The following CSMD1 variants were observed in gnomAD, a reference collection of about 807,000 sequenced individuals.
CSMD1 encodes the protein CUB and Sushi multiple domains 1, also known as CUB and sushi domain-containing protein 1.
Under a neutral mutation model 417.5 loss-of-function variants are expected in CSMD1, and 213 were observed. The observed-to-expected ratio is 0.51, with a 90% CI of 0.46 to 0.57. The LOEUF is 0.57. Among genes scored for constraint, CSMD1 ranks in the 20% least tolerant of loss-of-function variants. CSMD1 has a pLI of 0.00. For missense variants in CSMD1, 6,923 were observed against 4,529.7 expected (o/e 1.53, Z -15.17); for synonymous variants, 2,862 against 1,736.8 (o/e 1.65, Z -16.11).
At chr8:3,788,453 C>T (rs1324666826) in intron 5 of CSMD1, among the ~76,000 whole-genome samples, 1 of 152,124 alleles carries the variant, frequency 6.6e-6, no homozygotes, top group Non-Finnish European at 1.5e-5. Flanking sequence ...AGATAAGAGG[C>T]AGAAATCAAA....
intron 2 of CSMD1, among the ~76,000 whole-genome samples, chr8:4,573,600 C>T (rs1173852613): frequency 6.6e-6 from 1 of 152,070 alleles, no homozygotes; most frequent in Non-Finnish European, 1.5e-5. Context: ...GTATGGGGGT[C>T]AGGGTCCCAC....
In CSMD1 at chr8:2,937,447, A is replaced by AAC. The variant is rs1563163043; in HGVS notation, c.*1137_*1138insGT. On this transcript the variant is annotated 3_prime_UTR_variant, in exon 70 of 70. Coordinates refer to ENST00000635120, the MANE Select transcript of CSMD1 (RefSeq NM_033225.6). Reference sequence around the variant, plus strand: ...TGGCACAGTAAAAGACAAAAAAAAAAAAAAACAAAAAAAAAACACTGCAAA... The same window carrying AAC: ...TGGCACAGTAAAAGACAAAAAAAAAAACAAAAACAAAAAAAAAACACTGCAAA... 9.6e-6 allele frequency: 1 copy of AAC among 104,048 alleles called. No individual in the cohort carries two copies. The highest frequency in any genetic ancestry group is 9.7e-5 in the Admixed American group (1 of 10,356). 6.4% of individuals were successfully genotyped at this position (104,048 alleles called of 1,614,324 possible).
Position 4,746,557 on chromosome 8 carries a change from C to T in CSMD1, c.86-108999G>A, listed in dbSNP as rs1490367651. On this transcript the variant is annotated intron_variant, in intron 1 of 69. Transcript: ENST00000635120. ...TGATCAGTGAAGACGAAGGGCTTGC[C>T]CAAGTGAGAATGAAGGAATGTGATC... Among the ~76,000 whole-genome samples, 2 of 152,100 alleles carry T rather than the reference C, an allele frequency of 1.3e-5. 1 individual carries two copies. The highest frequency in any genetic ancestry group is 2.9e-5 in the Non-Finnish European group (2 of 68,028).
chr8:3,776,817 T>C (rs911026453), intron 5 of CSMD1, among the ~76,000 whole-genome samples: 1 of 151,110 alleles, frequency 6.6e-6, no homozygotes. Flanking sequence ...GATATATATA[T>C]ATATATACAG....
chr8:4,897,790 G>A (rs959260292), intron 1 of CSMD1, among the ~76,000 whole-genome samples: 1 of 152,088 alleles, frequency 6.6e-6, no homozygotes, highest in Non-Finnish European at 1.5e-5. Context: ...TTATATGCCA[G>A]TAGATGATAC....
chr8:4,742,147 C>T (rs1284447334), intron 1 of CSMD1, among the ~76,000 whole-genome samples: 1 of 150,692 alleles, frequency 6.6e-6, no homozygotes, highest in Non-Finnish European at 1.5e-5. Context: ...TCTCCTGCCT[C>T]AGCCTCCCGA....
At chr8:4,564,175 T>C (rs191521104) in intron 2 of CSMD1, among the ~76,000 whole-genome samples, 8 of 152,346 alleles carry the variant, frequency 5.3e-5, no homozygotes, top group African/African-American at 1.7e-4. Flanking sequence ...GGTCAAGTCA[T>C]TGTTGAGCTT....
chr8:4,459,390 G>C (rs1392077351), intron 2 of CSMD1, among the ~76,000 whole-genome samples: 1 of 152,238 alleles, frequency 6.6e-6, no homozygotes, highest in Non-Finnish European at 1.5e-5. Context: ...AAGAATGTCA[G>C]TCCAGCAGAA....
Position 4,715,170 on chromosome 8 carries a change from C to G in CSMD1, c.86-77612G>C, listed in dbSNP as rs556212545. On this transcript the variant is annotated intron_variant, in intron 1 of 69. Transcript: ENST00000635120. ...ATAAACTAACTATGCTTTAGTTATT[C>G]TATTATTTCGCAGAAAAAGAAAACG... Among the ~76,000 whole-genome samples, 5 of 152,204 alleles carry G rather than the reference C, an allele frequency of 3.3e-5. No individual in the cohort carries two copies. The South Asian group carries it at 1.0e-3, about 32-fold the overall frequency.
chr8:3,113,823 A>G (rs1035715429), intron 42 of CSMD1, among the ~76,000 whole-genome samples: 95 of 152,336 alleles, frequency 6.2e-4, no homozygotes, highest in African/African-American at 1.9e-3. Context: ...CGGAGGTACA[A>G]GGAAACATCT....
chr8:3,275,522 G>A (rs1457906877), intron 26 of CSMD1, among the ~76,000 whole-genome samples: 1 of 152,166 alleles, frequency 6.6e-6, no homozygotes, highest in Non-Finnish European at 1.5e-5. Context: ...CCTGCAGAGT[G>A]TTTTCCTACT....
At chr8:4,003,765 G>T (rs75683474) in intron 4 of CSMD1, among the ~76,000 whole-genome samples, 1 of 152,062 alleles carries the variant, frequency 6.6e-6, no homozygotes, top group South Asian at 2.1e-4. Context: ...CATATACGCC[G>T]GCAAATTACT....
At chr8:2,983,750 C>T (rs1805621337) in intron 54 of CSMD1, among the ~76,000 whole-genome samples, 1 of 152,154 alleles carries the variant, frequency 6.6e-6, no homozygotes, top group South Asian at 2.1e-4. Context: ...CGAGGTCGTG[C>T]CTAACTTCTT....
At chr8:4,855,570 G>T (rs1801748751) in intron 1 of CSMD1, among the ~76,000 whole-genome samples, 1 of 152,164 alleles carries the variant, frequency 6.6e-6, no homozygotes. Flanking sequence ...ACTGCTTAAA[G>T]GAGCTGATGG....
chr8:3,870,623 C>G (rs969200430), intron 5 of CSMD1, among the ~76,000 whole-genome samples: 1 of 152,148 alleles, frequency 6.6e-6, no homozygotes, highest in Non-Finnish European at 1.5e-5. Flanking sequence ...GTTTATGAAT[C>G]TTACAGGTGA....
At chr8:3,619,636 C>T (rs1262650022) in intron 7 of CSMD1, among the ~76,000 whole-genome samples, 1 of 152,056 alleles carries the variant, frequency 6.6e-6, no homozygotes, top group African/African-American at 2.4e-5. Flanking sequence ...AAGAGATCCA[C>T]AGCAAGACAC....
chr8:4,722,451 C>T (rs1809120552), intron 1 of CSMD1, among the ~76,000 whole-genome samples: 1 of 152,092 alleles, frequency 6.6e-6, no homozygotes, highest in Non-Finnish European at 1.5e-5. Context: ...AGTGAAAATG[C>T]ATTTTGTACT....
intron 5 of CSMD1, among the ~76,000 whole-genome samples, chr8:3,794,985 C>A (rs1437942966): frequency 4.6e-5 from 4 of 86,106 alleles, no homozygotes; most frequent in Non-Finnish European, 7.2e-5. Context: ...AGATATATAT[C>A]TATCTATCAT....
chr8:4,800,053 C>CA (rs920513275), intron 1 of CSMD1, among the ~76,000 whole-genome samples: 3 of 151,976 alleles, frequency 2.0e-5, no homozygotes, highest in Admixed American at 1.3e-4. Flanking sequence ...ACTATTACAC[C>CA]AAAAATTTGA....
Sources: gnomAD v4.1 joint callset for allele counts (sites outside exome capture counted in the v4.1 genomes callset) on GRCh38, gnomAD v4.1.1 for gene constraint, MANE v1.5 for transcripts, NCBI Gene and HGNC (gene_info 2026-07-23, HGNC 2026-07-21) for gene names.